The following RLF variants were observed in gnomAD, a reference collection of about 807,000 sequenced individuals.
RLF encodes zinc finger protein Rlf.
In RLF, 7 loss-of-function variants were observed where a neutral mutation model predicts 162.9. The ratio of observed to expected loss-of-function variants is 0.04; its 90% CI spans 0.02 to 0.08. RLF has a LOEUF of 0.08. Among genes scored for constraint, RLF ranks in the 10% least tolerant of loss-of-function variants. The pLI, the probability that RLF is intolerant of heterozygous loss-of-function variation, is 1.00. For missense variants in RLF, 1,664 were observed against 2,244.7 expected, an observed-to-expected ratio of 0.74 and a Z score of 5.23; for synonymous variants, 782 against 791.5, an observed-to-expected ratio of 0.99 and a Z score of 0.20.
At position 40,161,774 on chromosome 1, in the gene RLF, C is replaced by A; in HGVS notation, c.237+138C>A. The A allele has an allele frequency of 7.8e-7, 1 of 1,280,134 alleles. No individual in the cohort carries two copies. Among genetic ancestry groups the A allele is most frequent in the Non-Finnish European group, 1.1e-6 (1 of 950,488 alleles). The allele number at this position is 1,280,134 out of a possible 1,614,324, so 79.3% of individuals were successfully genotyped here. A position where few individuals can be genotyped will look rare whatever the true frequency, so the allele number is the denominator to read the frequency against. On this transcript the variant is annotated intron_variant, in intron 1 of 7. Transcript: ENST00000372771. This position sits in a 1 kb window ranked among gnomAD's most constrained non-coding sequence, Gnocchi z 4.4. ...CGCCGCGCCCCCGGGCCGGGAAGGC[C>A]CAGCTCGGAAGCTCGACCGCTGGCC... is the stretch of plus-strand genomic sequence containing the variant.
intron 6 of RLF, among the ~76,000 whole-genome samples, chr1:40,228,442 G>A (rs1570561209): frequency 6.6e-6 from 1 of 151,264 alleles, no homozygotes; most frequent in Admixed American, 6.6e-5. Flanking sequence ...TTAGCTGGGC[G>A]TGGTGGTGGG....
rs1361380415 is a variant in RLF at position 40,240,828 on chromosome 1, A to G, written c.*381A>G. 2 of 190,062 alleles carry G rather than the reference A, an allele frequency of 1.1e-5. No individual in the cohort carries two copies. Among genetic ancestry groups the G allele is most frequent in the Admixed American group, 5.4e-5 (1 of 18,636 alleles). 11.8% of individuals were successfully genotyped at this position (190,062 alleles called of 1,614,324 possible). On this transcript the variant is annotated 3_prime_UTR_variant, in exon 8 of 8. Coordinates refer to ENST00000372771, the MANE Select transcript of RLF (RefSeq NM_012421.4). ...GATATGGAGTTCTTACTTGACTTGA[A>G]TGTGCACCTGAGGGTGCTTTGTGTA... is the stretch of plus-strand genomic sequence containing the variant.
intron 3 of RLF, among the ~76,000 whole-genome samples, 181 bp from the exon 4 acceptor site, chr1:40,195,449 TAA>T (rs75503457): frequency 1.8e-4 from 26 of 141,646 alleles, no homozygotes; most frequent in Non-Finnish European, 1.9e-4. Context: ...ATTCTGTCTT[TAA>T]AAAAAAAAAA....
intron 1 of RLF, among the ~76,000 whole-genome samples, chr1:40,172,277 G>T (rs1019501828): frequency 1.3e-5 from 2 of 152,130 alleles, no homozygotes; most frequent in African/African-American, 4.8e-5. Flanking sequence ...GGAAATTACT[G>T]TTAACAGTCT....
At chr1:40,200,179 A>G (rs1326722113) in intron 4 of RLF, among the ~76,000 whole-genome samples, 2 of 152,244 alleles carry the variant, frequency 1.3e-5, no homozygotes, top group Non-Finnish European at 2.9e-5. Flanking sequence ...TTGCTAAATC[A>G]TAATCTCCAG....
rs1643279028 is a variant in RLF at position 40,240,454 on chromosome 1, A to G, written c.*7A>G. On this transcript the variant is annotated 3_prime_UTR_variant, in exon 8 of 8. Transcript: ENST00000372771. ...TTGTGTAGGAAGTTCATAAGTAGCA[A>G]TTTTGTTTTAGTAACAGACTGGCTC... 1.2e-6 allele frequency: 2 copies of G among 1,600,348 alleles called. No homozygotes were observed. Among genetic ancestry groups the G allele is most frequent in the African/African-American group, 1.3e-5 (1 of 74,492 alleles).
chr1:40,166,470 G>C (rs1232836071), intron 1 of RLF, among the ~76,000 whole-genome samples: 1 of 151,970 alleles, frequency 6.6e-6, no homozygotes, highest in African/African-American at 2.4e-5. Flanking sequence ...TAGAAATATA[G>C]AAATACCATT....
intron 6 of RLF, among the ~76,000 whole-genome samples, chr1:40,224,209 T>G (rs1362304705): frequency 6.6e-6 from 1 of 152,004 alleles, no homozygotes; most frequent in Admixed American, 6.6e-5. Flanking sequence ...CTTTGTGGCC[T>G]CCTCAGGAGC....
At chr1:40,215,616 T>C (rs936805102) in intron 5 of RLF, among the ~76,000 whole-genome samples, 1 of 152,096 alleles carries the variant, frequency 6.6e-6, no homozygotes, top group African/African-American at 2.4e-5. Flanking sequence ...GGTCTCACTC[T>C]GTCCCTCAGA....
At position 40,202,606 on chromosome 1, in the gene RLF, A is replaced by T. The variant is rs768477340; in HGVS notation, c.802A>T (p.Ile268Phe). ...TTCTATGCTCCCTAATGAAGATGCT[A>T]TTAAGGAGGTGAGTAAATAATTGTT... ...LCSMLPNEDA[I>F]KEIAKVDCKE... Residue 268 changes from isoleucine to phenylalanine, a missense_variant, in exon 5 of 8, where the codon ATT (isoleucine) becomes TTT (phenylalanine). By Grantham distance (21) the Ile-to-Phe change is conservative. This residue lies in a region of RLF where 287 missense variants were observed against 404.9 expected (regional missense o/e 0.71). Coordinates refer to ENST00000372771, the MANE Select transcript of RLF (RefSeq NM_012421.4). The T allele has an allele frequency of 2.0e-6, 3 of 1,513,926 alleles. No homozygotes were observed. Among genetic ancestry groups the T allele is most frequent in the Non-Finnish European group, 2.6e-6 (3 of 1,136,616 alleles). 93.8% of individuals were successfully genotyped at this position (1,513,926 alleles called of 1,614,324 possible).
chr1:40,223,566 A>G (rs547253604), intron 6 of RLF, among the ~76,000 whole-genome samples: 2 of 152,242 alleles, frequency 1.3e-5, no homozygotes, highest in Non-Finnish European at 2.9e-5. Flanking sequence ...GTTTATAGGA[A>G]AACCTAGTAA....
chr1:40,195,872 T>C, intron 4 of RLF, 108 bp downstream of exon 4: 1 of 965,160 alleles, frequency 1.0e-6, no homozygotes, highest in Non-Finnish European at 1.5e-6. Flanking sequence ...AGTCTTTCTG[T>C]TTTTACTTTG....
At position 40,239,484 on chromosome 1, in the gene RLF, C is replaced by T. The variant is rs145611435; in HGVS notation, c.4782C>T (p.Tyr1594=). The T allele has an allele frequency of 6.8e-4, 1,096 of 1,613,926 alleles. 6 individuals are homozygous for T. In the Middle Eastern group the frequency reaches 9.2e-3, roughly 14 times the overall value. The change falls in exon 8 of 8, where the codon TAC becomes TAT. Residue 1594 remains tyrosine (Y), a synonymous_variant. Transcript: ENST00000372771. The part of the protein sequence containing the change: ...QMENLVVCVK[Y]GTKIKEEPPS... ...AGAATCTTGTTGTTTGCGTTAAGTA[C>T]GGTACCAAAATTAAGGAGGAACCCC...
At chr1:40,220,902 G>A (rs772749929) in intron 5 of RLF, among the ~76,000 whole-genome samples, 1 of 151,380 alleles carries the variant, frequency 6.6e-6, no homozygotes, top group Non-Finnish European at 1.5e-5. Context: ...GAGGGAGGAG[G>A]GATCACTGGA....
At chr1:40,176,982 TTTAA>T (rs1327790792) in intron 1 of RLF, among the ~76,000 whole-genome samples, 25 of 152,022 alleles carry the variant, frequency 1.6e-4, no homozygotes, top group Admixed American at 8.5e-4. Flanking sequence ...TATTTCTTTT[TTTAA>T]TTAATTAATT....
Position 40,237,641 on chromosome 1 carries a change from C to T in RLF, c.2939C>T (p.Pro980Leu), listed in dbSNP as rs764246867. The change falls in exon 8 of 8, where the codon CCA becomes CTA. Residue 980 changes from proline (P) to leucine (L), a missense_variant. Around this residue, in one of 15 missense-constraint regions of RLF, gnomAD observed 295 missense variants for 317.4 expected, o/e 0.93. Transcript: ENST00000372771. The surrounding 1 kb of genome is among the most constrained non-coding windows in gnomAD (Gnocchi z 4.4). The stretch of plus-strand genomic sequence containing the variant: ...CAGAAACATTTACGGAAGGTTCATC[C>T]ATACCATTTCAAGCCCAAAAAGATA... ...GMQKHLRKVH[P>L]YHFKPKKIKT... 6.8e-6 allele frequency: 11 copies of T among 1,614,004 alleles called. No homozygotes were observed. Among genetic ancestry groups the T allele is most frequent in the Non-Finnish European group, 8.5e-6 (10 of 1,180,002 alleles).
At chr1:40,203,220 T>G (rs1642743420) in intron 5 of RLF, among the ~76,000 whole-genome samples, 1 of 151,092 alleles carries the variant, frequency 6.6e-6, no homozygotes, top group Non-Finnish European at 1.5e-5. Context: ...GTTCAAGTGA[T>G]TCTTGTGCCT....
chr1:40,210,326 A>C (rs141698426), intron 5 of RLF, among the ~76,000 whole-genome samples: 2 of 152,366 alleles, frequency 1.3e-5, no homozygotes, highest in Non-Finnish European at 2.9e-5. Flanking sequence ...CTGTGTTTAT[A>C]GAAAAATTGA....
At position 40,172,986 on chromosome 1, in the gene RLF, T is replaced by C. The variant is rs559905289; in HGVS notation, c.237+11350T>C. 3.3e-5 allele frequency among the ~76,000 whole-genome samples: 5 copies of C among 152,296 alleles called. No individual in the cohort carries two copies. In the East Asian group the frequency reaches 9.6e-4, roughly 29 times the overall value. Reference sequence around the variant, plus strand: ...GTTTTACTAAATCCTTGCCAATGCTTGTATTATTAAACTTATTAATATTTG... The same window carrying C: ...GTTTTACTAAATCCTTGCCAATGCTCGTATTATTAAACTTATTAATATTTG... On this transcript the variant is annotated intron_variant, in intron 1 of 7. Coordinates refer to ENST00000372771, the MANE Select transcript of RLF (RefSeq NM_012421.4).
Sources: gnomAD v4.1 joint callset for allele counts (sites outside exome capture counted in the v4.1 genomes callset) on GRCh38, gnomAD v4.1.1 for gene constraint, gnomAD v4.1.1 regional missense constraint, Gnocchi (gnomAD v3.1) non-coding constraint, MANE v1.5 for transcripts, NCBI Gene and HGNC (gene_info 2026-07-23, HGNC 2026-07-21) for gene names.